Variants in RGL1 observed in about 807,000 individuals in gnomAD.
RGL1 encodes the protein ral guanine nucleotide dissociation stimulator like 1.
A neutral mutation model predicts 95.2 loss-of-function variants in RGL1; 24 were observed. That is an observed-to-expected ratio of 0.25 (90% CI 0.18 to 0.35). The LOEUF (loss-of-function observed/expected upper bound fraction) is 0.35, where lower values mean the gene tolerates loss of function less well. Ranked by LOEUF, RGL1 falls within the 10% of genes least tolerant of loss-of-function variation. The probability of loss-of-function intolerance (pLI) is 1.00; values close to 1 mark genes in which losing one functional copy is unlikely to be tolerated. For missense variants in RGL1, 715 were observed against 936.3 expected (o/e 0.76, Z 3.08); for synonymous variants, 329 against 344.9 (o/e 0.95, Z 0.51).
At chr1:183,796,633 T>A (rs752483768) in intron 2 of RGL1, among the ~76,000 whole-genome samples, 1 of 152,234 alleles carries the variant, frequency 6.6e-6, no homozygotes, top group Non-Finnish European at 1.5e-5. Flanking sequence ...CACTCTTAGC[T>A]ACTTTGTTAT....
intron 7 of RGL1, 90 bp from the exon 8 acceptor site, chr1:183,888,384 C>T: frequency 1.3e-6 from 1 of 765,120 alleles, no homozygotes; most frequent in Non-Finnish European, 2.3e-6. Context: ...GAATTCATAG[C>T]AGCTGTGATA....
At chr1:183,701,077 A>G (rs1400248222) in intron 1 of RGL1, among the ~76,000 whole-genome samples, 1 of 152,188 alleles carries the variant, frequency 6.6e-6, no homozygotes, top group Non-Finnish European at 1.5e-5. Context: ...CCTGCAAAGG[A>G]CATGAATTCA....
intron 1 of RGL1, among the ~76,000 whole-genome samples, chr1:183,666,770 C>T (rs1652068184): frequency 6.6e-6 from 1 of 152,136 alleles, no homozygotes; most frequent in Non-Finnish European, 1.5e-5. Context: ...TTTTAGGGTC[C>T]AGAATATGGC....
intron 9 of RGL1, 116 bp from the exon 10 acceptor site, chr1:183,897,692 A>G: frequency 3.0e-6 from 2 of 672,946 alleles, no homozygotes; most frequent in South Asian, 2.0e-5. Context: ...TTCATTTTGC[A>G]TGGTGTTCCG....
intron 1 of RGL1, among the ~76,000 whole-genome samples, chr1:183,686,061 T>A (rs1480436614): frequency 6.6e-6 from 1 of 152,226 alleles, no homozygotes; most frequent in African/African-American, 2.4e-5. Context: ...CCATTGGTAA[T>A]TCCAAGTCTC....
intron 2 of RGL1, among the ~76,000 whole-genome samples, chr1:183,768,143 C>T (rs370429287): frequency 6.6e-6 from 1 of 150,558 alleles, no homozygotes. Flanking sequence ...GGTAGACACA[C>T]AGAGAAACAG....
chr1:183,864,341 A>T (rs1665697116), intron 3 of RGL1, among the ~76,000 whole-genome samples: 1 of 152,224 alleles, frequency 6.6e-6, no homozygotes, highest in African/African-American at 2.4e-5. Context: ...TAAGTCCCAC[A>T]TTTAGTAATT....
intron 3 of RGL1, 113 bp from the exon 4 acceptor site, chr1:183,865,883 T>G: frequency 1.4e-6 from 1 of 721,458 alleles, no homozygotes; most frequent in East Asian, 2.6e-5. Flanking sequence ...AGATATATCT[T>G]TCCTTAATTA....
chr1:183,744,724 T>C (rs1199394358), intron 2 of RGL1, among the ~76,000 whole-genome samples: 1 of 152,220 alleles, frequency 6.6e-6, no homozygotes, highest in Non-Finnish European at 1.5e-5. Context: ...TATGCTGACA[T>C]ATGTAGTTTC....
chr1:183,843,431 T>A (rs1005182762), intron 2 of RGL1, among the ~76,000 whole-genome samples: 1 of 152,220 alleles, frequency 6.6e-6, no homozygotes, highest in Non-Finnish European at 1.5e-5. Context: ...AGAGAGGGGC[T>A]GGGTTAATGA....
At chr1:183,695,398 C>T (rs773043511) in intron 1 of RGL1, among the ~76,000 whole-genome samples, 4 of 152,192 alleles carry the variant, frequency 2.6e-5, no homozygotes, top group South Asian at 2.1e-4. Context: ...TTGCTAGACT[C>T]GTAAAGCATT....
At chr1:183,649,120 A>G (rs1303518035) in intron 1 of RGL1, among the ~76,000 whole-genome samples, 2 of 152,258 alleles carry the variant, frequency 1.3e-5, no homozygotes, top group African/African-American at 2.4e-5. Flanking sequence ...GCCAATTATC[A>G]GCTTGGTGGC....
At chr1:183,686,710 A>G (rs1457120637) in intron 1 of RGL1, among the ~76,000 whole-genome samples, 1 of 152,148 alleles carries the variant, frequency 6.6e-6, no homozygotes, top group Non-Finnish European at 1.5e-5. Context: ...ACCTAGGTGA[A>G]TTCTTCTGGT....
chr1:183,844,874 A>C (rs1664310280), intron 2 of RGL1, among the ~76,000 whole-genome samples: 1 of 152,246 alleles, frequency 6.6e-6, no homozygotes, highest in African/African-American at 2.4e-5. Flanking sequence ...AAATAAAGAG[A>C]TAAAGCCATC....
chr1:183,846,545 A>AAG (rs1664451181), intron 2 of RGL1, among the ~76,000 whole-genome samples: 1 of 151,906 alleles, frequency 6.6e-6, no homozygotes, highest in Non-Finnish European at 1.5e-5. Flanking sequence ...AATTTTTAAA[A>AAG]AAAAAAAGAA....
chr1:183,684,757 G>A (rs899000880), intron 1 of RGL1, among the ~76,000 whole-genome samples: 1 of 152,232 alleles, frequency 6.6e-6, no homozygotes, highest in African/African-American at 2.4e-5. Context: ...GGGTTCCGAA[G>A]ACCATGGGAA....
At chr1:183,710,102 C>A in intron 1 of RGL1, 1 of 191,358 alleles carries the variant, frequency 5.2e-6, no homozygotes, top group Non-Finnish European at 1.1e-5. Flanking sequence ...TCCTCCAGGC[C>A]TATGTGCCAC....
intron 1 of RGL1, among the ~76,000 whole-genome samples, chr1:183,692,384 A>G (rs1027460369): frequency 6.6e-6 from 1 of 152,202 alleles, no homozygotes; most frequent in Non-Finnish European, 1.5e-5. Flanking sequence ...GTGGGTCATG[A>G]CTGGATGAAC....
At chr1:183,648,572 T>G (rs747300943) in intron 1 of RGL1, 1 of 1,614,236 alleles carries the variant, frequency 6.2e-7, no homozygotes, top group Non-Finnish European at 8.5e-7. Context: ...AAGTTTTTAG[T>G]TCATAAAATG....
Sources: gnomAD v4.1 joint callset for allele counts (sites outside exome capture counted in the v4.1 genomes callset) on GRCh38, gnomAD v4.1.1 for gene constraint, MANE v1.5 for transcripts, NCBI Gene and HGNC (gene_info 2026-07-23, HGNC 2026-07-21) for gene names.